Variants in ATP9B observed in about 807,000 individuals in gnomAD.
ATP9B encodes probable phospholipid-transporting ATPase IIB.
A neutral mutation model predicts 146.1 loss-of-function variants in ATP9B; 110 were observed. The observed-to-expected ratio is 0.75, with a 90% CI of 0.65 to 0.88. The LOEUF (loss-of-function observed/expected upper bound fraction) is 0.88. Among genes scored for constraint, ATP9B ranks in the 40% least tolerant of loss-of-function variants. ATP9B has a pLI of 0.00. For missense variants in ATP9B, 1,499 were observed against 1,496.4 expected, an observed-to-expected ratio of 1.00 and a Z score of -0.03; for synonymous variants, 604 against 569.7, an observed-to-expected ratio of 1.06 and a Z score of -0.86.
chr18:79,319,471 G>T (rs1357543500), intron 15 of ATP9B, among the ~76,000 whole-genome samples: 1 of 151,402 alleles, frequency 6.6e-6, no homozygotes, highest in Non-Finnish European at 1.5e-5. Context: ...AGGGGCCCCC[G>T]CCTCTCCTGG....
chr18:79,253,675 T>C, intron 12 of ATP9B, 134 bp downstream of exon 12: 2 of 955,460 alleles, frequency 2.1e-6, no homozygotes, highest in Non-Finnish European at 3.0e-6. Context: ...CTGAGGAATC[T>C]TGAGGAATTC....
At chr18:79,148,898 T>C (rs1008966878) in intron 6 of ATP9B, among the ~76,000 whole-genome samples, 1 of 152,174 alleles carries the variant, frequency 6.6e-6, no homozygotes, top group African/African-American at 2.4e-5. Context: ...TGCACAAATA[T>C]GAACCTCATT....
At chr18:79,287,462 A>G (rs1214617480) in intron 13 of ATP9B, among the ~76,000 whole-genome samples, 1 of 151,946 alleles carries the variant, frequency 6.6e-6, no homozygotes, top group Non-Finnish European at 1.5e-5. Context: ...ATCGGTGGTG[A>G]TATCCTCTAT....
intron 11 of ATP9B, among the ~76,000 whole-genome samples, chr18:79,223,364 C>T (rs2095699419): frequency 6.6e-6 from 1 of 152,032 alleles, no homozygotes; most frequent in Admixed American, 6.6e-5. Context: ...TAGTTGCATA[C>T]AATCATAGAA....
At chr18:79,075,116 C>T (rs543030243) in intron 1 of ATP9B, among the ~76,000 whole-genome samples, 5 of 150,728 alleles carry the variant, frequency 3.3e-5, no homozygotes, top group Admixed American at 2.6e-4. Context: ...TCACTCTGTC[C>T]CCCAGGCTGG....
intron 1 of ATP9B, among the ~76,000 whole-genome samples, chr18:79,082,417 ACTC>A (rs2073361877): frequency 2.0e-5 from 3 of 150,414 alleles, no homozygotes; most frequent in Admixed American, 2.0e-4. Flanking sequence ...AATTTGTCAA[ACTC>A]CTTCTCTGTC....
intron 12 of ATP9B, 89 bp from the exon 13 acceptor site, chr18:79,276,965 A>G (rs2096317381): frequency 6.5e-7 from 1 of 1,545,230 alleles, no homozygotes; most frequent in South Asian, 1.1e-5. Context: ...CACACTAACC[A>G]CTGCAGTGGG....
intron 5 of ATP9B, among the ~76,000 whole-genome samples, chr18:79,127,615 G>A (rs573150841): frequency 9.2e-5 from 14 of 152,152 alleles, no homozygotes; most frequent in Non-Finnish European, 2.1e-4. Flanking sequence ...ATTAGTGGGT[G>A]GACATTTGGG....
At chr18:79,225,308 G>T (rs1002600201) in intron 11 of ATP9B, among the ~76,000 whole-genome samples, 59 of 152,300 alleles carry the variant, frequency 3.9e-4, no homozygotes, top group Non-Finnish European at 6.8e-4. Flanking sequence ...AGCTAAACAT[G>T]AAATTAGATA....
At chr18:79,118,589 A>G (rs1408353434) in intron 4 of ATP9B, among the ~76,000 whole-genome samples, 3 of 151,426 alleles carry the variant, frequency 2.0e-5, no homozygotes, top group Admixed American at 6.6e-5. Context: ...TTTAGTAGAG[A>G]TGGGGTTTTA....
intron 11 of ATP9B, among the ~76,000 whole-genome samples, chr18:79,236,094 T>C (rs979710048): frequency 1.3e-5 from 2 of 152,228 alleles, no homozygotes; most frequent in Admixed American, 1.3e-4. Context: ...TACTGGTTTT[T>C]ACTCTTCCCA....
chr18:79,187,166 G>A (rs2095315339), intron 8 of ATP9B, among the ~76,000 whole-genome samples: 1 of 152,222 alleles, frequency 6.6e-6, no homozygotes, highest in African/African-American at 2.4e-5. Flanking sequence ...GATTTGGGAA[G>A]CATCTTGTTC....
rs563620143 is a variant in ATP9B at position 79,121,953 on chromosome 18, G to A, written c.559-4314G>A. Among the ~76,000 whole-genome samples the A allele has an allele frequency of 2.0e-5, 3 of 152,196 alleles. No individual in the cohort carries two copies. The East Asian group carries it at 5.8e-4, about 29-fold the overall frequency. On this transcript the variant is annotated intron_variant, in intron 4 of 29. Transcript: ENST00000426216. Reference sequence around the variant, plus strand: ...TCTTAGGAACTAGCACATTTTTGTGGCTTATGATTACTCAATGAATTTGGT... The same window carrying A: ...TCTTAGGAACTAGCACATTTTTGTGACTTATGATTACTCAATGAATTTGGT...
chr18:79,244,444 T>A (rs955366365), intron 11 of ATP9B, among the ~76,000 whole-genome samples: 3 of 152,154 alleles, frequency 2.0e-5, no homozygotes, highest in African/African-American at 7.2e-5. Context: ...ATTTTTTTTT[T>A]AAGCTCCTTG....
rs142176479 is a variant in ATP9B, at chr18:79,218,039, G to C, written c.1107+4001G>C. On this transcript the variant is annotated intron_variant, in intron 11 of 29. Coordinates refer to ENST00000426216, the MANE Select transcript of ATP9B (RefSeq NM_198531.5). ...ATTTTTGAATGAGTAGTGGTTATCGGTCAGGATAGGCTGAGTCATGCTCTG... is the reference window on the plus strand; with the variant it reads ...ATTTTTGAATGAGTAGTGGTTATCGCTCAGGATAGGCTGAGTCATGCTCTG... 2.4e-3 allele frequency among the ~76,000 whole-genome samples: 364 copies of C among 152,350 alleles called. 2 individuals carry two copies. Among genetic ancestry groups the C allele is most frequent in the South Asian group, 6.4e-3 (31 of 4,826 alleles).
intron 8 of ATP9B, among the ~76,000 whole-genome samples, chr18:79,189,391 C>A (rs2095340939): frequency 6.6e-6 from 1 of 152,028 alleles, no homozygotes; most frequent in Admixed American, 6.6e-5. Flanking sequence ...TTTCCCCCAC[C>A]CACCCTTTGT....
intron 13 of ATP9B, among the ~76,000 whole-genome samples, chr18:79,284,085 A>G (rs372841746): frequency 1.3e-5 from 2 of 152,250 alleles, no homozygotes; most frequent in Non-Finnish European, 2.9e-5. Context: ...TGAATCACAT[A>G]TAAGTTTCAC....
At position 79,373,933 on chromosome 18, in the gene ATP9B, G is replaced by A. The variant is rs764436392; in HGVS notation, c.3106G>A (p.Glu1036Lys). 24 of 1,613,270 alleles carry A rather than the reference G, an allele frequency of 1.5e-5. No individual in the cohort carries two copies. Among genetic ancestry groups the A allele is most frequent in the Admixed American group, 5.0e-5 (3 of 60,002 alleles). The change falls in exon 28 of 30, where the codon GAG becomes AAG. Residue 1036 changes from glutamate (E) to lysine (K), a missense_variant. Transcript: ENST00000426216. Reference sequence around the variant, plus strand: ...CATGTATGGGGCCCTGGTGCTCTTCGAGTCTGAGTTCGTCCACGTGGTGGC... The same window carrying A: ...CATGTATGGGGCCCTGGTGCTCTTCAAGTCTGAGTTCGTCCACGTGGTGGC... ...ILMYGALVLF[E>K]SEFVHVVAIS...
chr18:79,191,603 G>T (rs1057395416), intron 8 of ATP9B, among the ~76,000 whole-genome samples: 11 of 152,154 alleles, frequency 7.2e-5, no homozygotes, highest in African/African-American at 2.4e-4. Flanking sequence ...CCCATCTAAA[G>T]AATTTATTGC....
Sources: gnomAD v4.1 joint callset for allele counts (sites outside exome capture counted in the v4.1 genomes callset) on GRCh38, gnomAD v4.1.1 for gene constraint, MANE v1.5 for transcripts, NCBI Gene and HGNC (gene_info 2026-07-23, HGNC 2026-07-21) for gene names.